Variants in MACROD1 observed in about 807,000 individuals in gnomAD.
MACROD1 encodes the protein mono-ADP ribosylhydrolase 1, also known as ADP-ribose glycohydrolase MACROD1.
In MACROD1, 31 loss-of-function variants were observed where a neutral mutation model predicts 41.4. The observed-to-expected ratio is 0.75, with a 90% CI of 0.56 to 1.01. The LOEUF (loss-of-function observed/expected upper bound fraction) is 1.01, where lower values mean the gene tolerates loss of function less well. MACROD1 is among the 50% of genes least tolerant of loss of function. The pLI is 0.00. For synonymous variants in MACROD1, 252 were observed against 203.4 expected, an observed-to-expected ratio of 1.24 and a Z score of -2.03; for missense variants, 473 against 460.0, an observed-to-expected ratio of 1.03 and a Z score of -0.26.
At chr11:64,110,228 T>C (rs746112156) in intron 3 of MACROD1, among the ~76,000 whole-genome samples, 1 of 152,030 alleles carries the variant, frequency 6.6e-6, no homozygotes, top group Admixed American at 6.5e-5. Context: ...AGTGGGCAGA[T>C]TGCTTGAGCC....
intron 3 of MACROD1, among the ~76,000 whole-genome samples, chr11:64,029,692 TCA>T (rs1388504234): frequency 2.0e-5 from 3 of 151,298 alleles, no homozygotes; most frequent in Non-Finnish European, 4.4e-5. Flanking sequence ...GAGCTGCTCG[TCA>T]CACAGCCCTC....
At chr11:64,023,888 G>C (rs1186116918) in intron 3 of MACROD1, among the ~76,000 whole-genome samples, 1 of 152,178 alleles carries the variant, frequency 6.6e-6, no homozygotes, top group African/African-American at 2.4e-5. Flanking sequence ...AAATGGCGTG[G>C]CTGCGGTTCC....
chr11:64,056,373 T>C (rs1420650688), intron 3 of MACROD1, among the ~76,000 whole-genome samples: 1 of 152,108 alleles, frequency 6.6e-6, no homozygotes, highest in Non-Finnish European at 1.5e-5. Flanking sequence ...AGTGCCAGAA[T>C]GAACAGGCCC....
rs564166185 is a variant in MACROD1, at chr11:64,076,056, T to A, written c.518-60775A>T. On this transcript the variant is annotated intron_variant, in intron 3 of 10. Transcript: ENST00000255681. ...CCAAGTCGCTCTCTCAATCCCTCCTTCCCACAGCCTCCTGGTGGATCCAGC... is the reference window on the plus strand; with the variant it reads ...CCAAGTCGCTCTCTCAATCCCTCCTACCCACAGCCTCCTGGTGGATCCAGC... Among the ~76,000 whole-genome samples, 66 of 152,274 alleles carry A rather than the reference T, an allele frequency of 4.3e-4. No individual in the cohort carries two copies. In the South Asian group the frequency reaches 0.013, roughly 31 times the overall value.
chr11:64,148,107 A>AG (rs950302311), intron 3 of MACROD1, among the ~76,000 whole-genome samples: 1 of 151,564 alleles, frequency 6.6e-6, no homozygotes, highest in African/African-American at 2.4e-5. Flanking sequence ...GGAAAGAGTG[A>AG]GGGGGGCGGG....
rs145399902 is a variant in MACROD1, at chr11:64,117,160, G to A, written c.517+34079C>T. On this transcript the variant is annotated intron_variant, in intron 3 of 10. Transcript: ENST00000255681. ...CTGGCCAAGATGCGTGAGCTGGAGCGGCTGGACCTGTCCAACAACAACCTG... is the reference window on the plus strand; with the variant it reads ...CTGGCCAAGATGCGTGAGCTGGAGCAGCTGGACCTGTCCAACAACAACCTG... The A allele has an allele frequency of 5.8e-4, 929 of 1,613,890 alleles. 9 individuals are homozygous for A. In the South Asian group the frequency reaches 6.0e-3, roughly 10 times the overall value.
chr11:64,047,127 G>A (rs906847697), intron 3 of MACROD1, among the ~76,000 whole-genome samples: 1 of 151,892 alleles, frequency 6.6e-6, no homozygotes, highest in African/African-American at 2.4e-5. Flanking sequence ...CCCCGACATT[G>A]GCTGCCTCAT....
intron 3 of MACROD1, among the ~76,000 whole-genome samples, chr11:64,025,876 C>T (rs960659012): frequency 1.3e-5 from 2 of 152,066 alleles, no homozygotes; most frequent in Non-Finnish European, 2.9e-5. Flanking sequence ...CACATCACCA[C>T]ATCCGGCTAA....
intron 4 of MACROD1, 138 bp from the exon 5 acceptor site, chr11:64,000,481 G>T: frequency 2.0e-6 from 1 of 507,752 alleles, no homozygotes; most frequent in Non-Finnish European, 3.4e-6. Context: ...CTCCGGCCGC[G>T]GCCGCTGCCC....
At chr11:64,028,697 G>A (rs1337109310) in intron 3 of MACROD1, among the ~76,000 whole-genome samples, 1 of 124,564 alleles carries the variant, frequency 8.0e-6, no homozygotes, top group African/African-American at 3.0e-5. Flanking sequence ...CCCTCCTCCC[G>A]CAGCTCCTCC....
chr11:64,049,244 A>T (rs1468770092), intron 3 of MACROD1, among the ~76,000 whole-genome samples: 3 of 152,104 alleles, frequency 2.0e-5, no homozygotes, highest in Non-Finnish European at 4.4e-5. Flanking sequence ...TTAACACCCC[A>T]TTGTGTAGTA....
intron 4 of MACROD1, chr11:64,001,176 A>C: frequency 1.9e-6 from 1 of 519,602 alleles, no homozygotes; most frequent in Non-Finnish European, 3.4e-6. Flanking sequence ...TCGCCAGGGC[A>C]CCGCGCAGGA....
chr11:64,136,912 G>A (rs958116693), intron 3 of MACROD1, among the ~76,000 whole-genome samples: 8 of 152,238 alleles, frequency 5.3e-5, no homozygotes, highest in African/African-American at 1.2e-4. Context: ...GCCAGCCCCC[G>A]GGAGCAGCGG....
intron 3 of MACROD1, among the ~76,000 whole-genome samples, chr11:64,020,678 G>A (rs1362742801): frequency 6.6e-6 from 1 of 152,012 alleles, no homozygotes; most frequent in East Asian, 1.9e-4. Flanking sequence ...CTCTCCTGGG[G>A]GGGCCATGAA....
At chr11:64,031,564 C>T (rs539635631) in intron 3 of MACROD1, among the ~76,000 whole-genome samples, 4 of 151,216 alleles carry the variant, frequency 2.6e-5, no homozygotes, top group East Asian at 1.9e-4. Flanking sequence ...TGGCAACCTC[C>T]GCCTCCCAGG....
At chr11:64,149,159 GTGA>G in intron 3 of MACROD1, 1 of 341,506 alleles carries the variant, frequency 2.9e-6, no homozygotes, top group South Asian at 1.2e-4. Flanking sequence ...TGGGACAGGG[GTGA>G]TGCCCAGAAC....
intron 3 of MACROD1, among the ~76,000 whole-genome samples, chr11:64,052,423 A>G (rs1376980985): frequency 1.3e-5 from 2 of 152,160 alleles, no homozygotes; most frequent in Admixed American, 6.5e-5. Context: ...GCGATCTTCC[A>G]TCTTAGTCTC....
chr11:64,053,868 T>C (rs1406124437), intron 3 of MACROD1, among the ~76,000 whole-genome samples: 2 of 152,102 alleles, frequency 1.3e-5, no homozygotes, highest in African/African-American at 4.8e-5. Context: ...GGGGCAGGGC[T>C]AAGATGCAAG....
intron 10 of MACROD1, 42 bp from the exon 11 acceptor site, chr11:63,998,729 G>T: frequency 2.8e-6 from 4 of 1,412,184 alleles, no homozygotes; most frequent in Non-Finnish European, 3.7e-6. Flanking sequence ...GGGCGTCCCC[G>T]ACCTCCCAGG....
Sources: gnomAD v4.1 joint callset for allele counts (sites outside exome capture counted in the v4.1 genomes callset) on GRCh38, gnomAD v4.1.1 for gene constraint, MANE v1.5 for transcripts, NCBI Gene and HGNC (gene_info 2026-07-23, HGNC 2026-07-21) for gene names.